Variants in ABTB3 observed in about 807,000 individuals in gnomAD.
ABTB3 encodes the protein ankyrin repeat and BTB domain containing 3.
At chr12:107,431,141 T>G in the ABTB3 span, among the ~76,000 whole-genome samples, 4 of 152,150 alleles carry the variant, frequency 2.6e-5, no homozygotes, top group Admixed American at 2.0e-4. Flanking sequence ...TAGACCCAGG[T>G]GGGGGTTATG....
chr12:107,397,151 T>C, the ABTB3 span, among the ~76,000 whole-genome samples: 1 of 152,240 alleles, frequency 6.6e-6, no homozygotes, highest in Non-Finnish European at 1.5e-5. Context: ...AATTGCTGAA[T>C]CACAGGGCGT....
chr12:107,542,115 G>A, the ABTB3 span, among the ~76,000 whole-genome samples: 2 of 151,988 alleles, frequency 1.3e-5, no homozygotes, highest in East Asian at 3.9e-4. Context: ...TTCGAGGCCA[G>A]CCTGGCCAAC....
the ABTB3 span, among the ~76,000 whole-genome samples, chr12:107,653,137 C>T: frequency 1.3e-5 from 2 of 152,152 alleles, no homozygotes; most frequent in Non-Finnish European, 2.9e-5. Context: ...ATAACTGGAG[C>T]CCAGTACACA....
the ABTB3 span, among the ~76,000 whole-genome samples, chr12:107,343,111 C>T: frequency 6.6e-6 from 1 of 152,090 alleles, no homozygotes; most frequent in Non-Finnish European, 1.5e-5. Context: ...ACCCCCCAGG[C>T]CTAAGGGATC....
At chr12:107,513,611 C>T in the ABTB3 span, among the ~76,000 whole-genome samples, 620 of 152,302 alleles carry the variant, frequency 4.1e-3, 5 homozygotes, top group African/African-American at 0.014. Flanking sequence ...TTCTAAATCA[C>T]CCAGTCTCGG....
the ABTB3 span, among the ~76,000 whole-genome samples, chr12:107,401,127 G>A: frequency 1.3e-5 from 2 of 152,154 alleles, no homozygotes; most frequent in Admixed American, 6.5e-5. Flanking sequence ...GACAAATGAG[G>A]TGGCTGTCTG....
the ABTB3 span, among the ~76,000 whole-genome samples, chr12:107,608,198 A>G: frequency 1.3e-5 from 2 of 152,126 alleles, no homozygotes; most frequent in African/African-American, 4.8e-5. Context: ...GCTCCATCCC[A>G]GTAGCCACCG....
the ABTB3 span, among the ~76,000 whole-genome samples, chr12:107,492,543 T>C: frequency 6.6e-6 from 1 of 152,084 alleles, no homozygotes; most frequent in Admixed American, 6.5e-5. Flanking sequence ...GCAAGGGCAC[T>C]TTTCCCACAA....
chr12:107,319,847 G>A, the ABTB3 span: 1 of 1,223,452 alleles, frequency 8.2e-7, no homozygotes, highest in Non-Finnish European at 1.0e-6. Context: ...CGCCTGCAGC[G>A]CAGCCAGCAG....
the ABTB3 span, among the ~76,000 whole-genome samples, chr12:107,578,490 C>T: frequency 6.8e-6 from 1 of 146,282 alleles, no homozygotes; most frequent in South Asian, 2.1e-4. Flanking sequence ...AAGGCAGCAG[C>T]CCAAGGGCAG....
At chr12:107,409,840 G>C in the ABTB3 span, among the ~76,000 whole-genome samples, 1 of 152,120 alleles carries the variant, frequency 6.6e-6, no homozygotes, top group East Asian at 1.9e-4. Context: ...TTCTGTACAT[G>C]TATCCCAGAA....
the ABTB3 span, chr12:107,520,750 G>A: frequency 3.7e-6 from 5 of 1,354,966 alleles, no homozygotes; most frequent in Non-Finnish European, 5.0e-6. Context: ...TAATCAGCGG[G>A]GTGACACCTT....
chr12:107,642,127 G>A, the ABTB3 span: 2 of 1,613,874 alleles, frequency 1.2e-6, no homozygotes, highest in Non-Finnish European at 8.5e-7. Flanking sequence ...GACAAATGAT[G>A]GCACCTGCAT....
the ABTB3 span, among the ~76,000 whole-genome samples, chr12:107,634,378 T>C: frequency 1.3e-5 from 2 of 152,232 alleles, no homozygotes; most frequent in African/African-American, 2.4e-5. Flanking sequence ...TCTATTTTTT[T>C]AGATCTTTTT....
chr12:107,396,729 C>T, the ABTB3 span, among the ~76,000 whole-genome samples: 1 of 152,136 alleles, frequency 6.6e-6, no homozygotes, highest in Non-Finnish European at 1.5e-5. Flanking sequence ...GCATGATTCT[C>T]TCACATAAAA....
chr12:107,543,966 G>A, the ABTB3 span: 9 of 1,613,712 alleles, frequency 5.6e-6, no homozygotes, highest in Non-Finnish European at 7.6e-6. Context: ...TGCATCACCT[G>A]CAGCCCCTCA....
At chr12:107,624,276 T>C in the ABTB3 span, among the ~76,000 whole-genome samples, 1 of 152,156 alleles carries the variant, frequency 6.6e-6, no homozygotes, top group Non-Finnish European at 1.5e-5. Flanking sequence ...TTAAACTTTT[T>C]ATTTTGAGAT....
At chr12:107,417,232 C>G in the ABTB3 span, among the ~76,000 whole-genome samples, 3 of 152,190 alleles carry the variant, frequency 2.0e-5, no homozygotes, top group Non-Finnish European at 4.4e-5. Flanking sequence ...ACGTCTGCCA[C>G]CGGCTGGCCT....
the ABTB3 span, among the ~76,000 whole-genome samples, chr12:107,437,372 A>G: frequency 1.4e-5 from 2 of 146,050 alleles, no homozygotes; most frequent in Non-Finnish European, 1.5e-5. Flanking sequence ...TGTCTCTCAA[A>G]TCTCCCTCTG....
Sources: gnomAD v4.1 joint callset for allele counts (sites outside exome capture counted in the v4.1 genomes callset) on GRCh38, gnomAD v4.1.1 for gene constraint, MANE v1.5 for transcripts, NCBI Gene and HGNC (gene_info 2026-07-23, HGNC 2026-07-21) for gene names.